PRKCE: variants seen among roughly 807,000 people sequenced by gnomAD.
The protein encoded by PRKCE is protein kinase C epsilon type.
PRKCE carries 16 observed loss-of-function variants against 85.4 expected under a neutral mutation model. The ratio of observed to expected loss-of-function variants is 0.19; its 90% CI spans 0.13 to 0.28. The LOEUF is 0.28. PRKCE is among the 10% of genes least tolerant of loss of function. The pLI is 1.00. For missense variants in PRKCE, 573 were observed against 975.2 expected (o/e 0.59, Z 5.49); for synonymous variants, 388 against 371.5 (o/e 1.04, Z -0.51).
At chr2:46,002,112 A>G (rs1175317228) in intron 7 of PRKCE, among the ~76,000 whole-genome samples, 1 of 152,242 alleles carries the variant, frequency 6.6e-6, no homozygotes, top group African/African-American at 2.4e-5. Context: ...AAATATCAGT[A>G]AGAAGAGATC....
At chr2:45,925,399 C>T (rs1033299577) in intron 2 of PRKCE, among the ~76,000 whole-genome samples, 3 of 152,224 alleles carry the variant, frequency 2.0e-5, no homozygotes, top group East Asian at 3.9e-4. Context: ...CAGATTCAAG[C>T]GATTCTCCTG....
chr2:45,713,062 G>A (rs1344638960), intron 1 of PRKCE, among the ~76,000 whole-genome samples: 1 of 152,184 alleles, frequency 6.6e-6, no homozygotes, highest in South Asian at 2.1e-4. Context: ...TCCCAGTCTG[G>A]TGCTGACTTG....
intron 10 of PRKCE, among the ~76,000 whole-genome samples, chr2:46,058,286 A>G (rs1666786000): frequency 6.6e-6 from 1 of 152,238 alleles, no homozygotes; most frequent in East Asian, 1.9e-4. Flanking sequence ...ATGGCAGGTC[A>G]GGACAAGAGG....
At chr2:45,653,886 T>G (rs532936108) in intron 1 of PRKCE, among the ~76,000 whole-genome samples, 1 of 152,348 alleles carries the variant, frequency 6.6e-6, no homozygotes. Context: ...CAGATGTCCC[T>G]CATCTCTGCT....
At chr2:45,818,379 C>G (rs1346439372) in intron 1 of PRKCE, among the ~76,000 whole-genome samples, 1 of 152,136 alleles carries the variant, frequency 6.6e-6, no homozygotes, top group East Asian at 1.9e-4. Flanking sequence ...TCCTCTGAGC[C>G]ATAAGGATAA....
At chr2:45,870,467 A>G (rs917996850) in intron 2 of PRKCE, among the ~76,000 whole-genome samples, 29 of 152,196 alleles carry the variant, frequency 1.9e-4, no homozygotes, top group African/African-American at 7.0e-4. Flanking sequence ...AACATCAGCT[A>G]TTGATTTGGG....
intron 10 of PRKCE, among the ~76,000 whole-genome samples, chr2:46,043,803 A>G (rs1708356184): frequency 6.6e-6 from 1 of 152,238 alleles, no homozygotes; most frequent in African/African-American, 2.4e-5. Context: ...GAATCATTAT[A>G]ATGTATCAAT....
intron 11 of PRKCE, among the ~76,000 whole-genome samples, chr2:46,126,490 G>T (rs1673869566): frequency 6.6e-6 from 1 of 152,188 alleles, no homozygotes; most frequent in Admixed American, 6.5e-5. Flanking sequence ...AGTGATGGGA[G>T]TTGGCCAGAG....
At chr2:45,793,241 G>T (rs780090719) in intron 1 of PRKCE, among the ~76,000 whole-genome samples, 8 of 152,200 alleles carry the variant, frequency 5.3e-5, no homozygotes, top group Non-Finnish European at 8.8e-5. Flanking sequence ...TTGAATTTGG[G>T]CGAATGGGGA....
chr2:45,663,361 G>A (rs942118968), intron 1 of PRKCE, among the ~76,000 whole-genome samples: 3 of 152,162 alleles, frequency 2.0e-5, no homozygotes, highest in Admixed American at 6.5e-5. Flanking sequence ...GAAGAACTGT[G>A]GGAATTCAAA....
At chr2:45,764,671 A>G (rs924449194) in intron 1 of PRKCE, among the ~76,000 whole-genome samples, 3 of 152,202 alleles carry the variant, frequency 2.0e-5, no homozygotes, top group African/African-American at 7.2e-5. Context: ...AAATTTGAGA[A>G]AAAATTGATC....
At chr2:45,983,301 T>G (rs1703040542) in intron 5 of PRKCE, among the ~76,000 whole-genome samples, 1 of 152,188 alleles carries the variant, frequency 6.6e-6, no homozygotes, top group Non-Finnish European at 1.5e-5. Context: ...CGGGGGCCTG[T>G]TACTTATCAG....
At chr2:45,793,545 T>G (rs1687191130) in intron 1 of PRKCE, among the ~76,000 whole-genome samples, 1 of 152,200 alleles carries the variant, frequency 6.6e-6, no homozygotes, top group Non-Finnish European at 1.5e-5. Flanking sequence ...AATGGTAAAG[T>G]ATGTGTCCAA....
chr2:45,857,982 C>T (rs1296997664), intron 2 of PRKCE, among the ~76,000 whole-genome samples: 1 of 152,202 alleles, frequency 6.6e-6, no homozygotes, highest in Non-Finnish European at 1.5e-5. Flanking sequence ...CATCCTGTGA[C>T]ACGTGACCGC....
rs1376128947 is a variant in PRKCE at position 45,973,367 on chromosome 2, C to G, written c.413-3062C>G. ...TTTCAGCAGCCACAGGCTCCAACCC[C>G]TTTCTCCTGTCACCTGCTTTGTAGC... On this transcript the variant is annotated intron_variant, in intron 2 of 14. Transcript: ENST00000306156. 3.9e-5 allele frequency among the ~76,000 whole-genome samples: 6 copies of G among 152,230 alleles called. No homozygotes were observed. The East Asian group carries it at 9.6e-4, about 24-fold the overall frequency.
At chr2:46,031,628 G>C (rs993775356) in intron 10 of PRKCE, among the ~76,000 whole-genome samples, 1 of 141,540 alleles carries the variant, frequency 7.1e-6, no homozygotes. Flanking sequence ...GTGTGTGTGT[G>C]TGTGTGTAGA....
intron 2 of PRKCE, among the ~76,000 whole-genome samples, chr2:45,865,814 T>A (rs1374071862): frequency 7.9e-6 from 1 of 125,822 alleles, no homozygotes; most frequent in African/African-American, 3.1e-5. Flanking sequence ...TTCTTCTTCT[T>A]CTTTTTTTTT....
At position 45,711,924 on chromosome 2, in the gene PRKCE, C is replaced by G. The variant is rs182349673; in HGVS notation, c.348+59476C>G. On this transcript the variant is annotated intron_variant, in intron 1 of 14. Coordinates refer to ENST00000306156, the MANE Select transcript of PRKCE (RefSeq NM_005400.3). Reference sequence around the variant, plus strand: ...AGGCATGAGCCAACACGCCCGGCCTCCATTATTATTAGTAACTTTATATTA... The same window carrying G: ...AGGCATGAGCCAACACGCCCGGCCTGCATTATTATTAGTAACTTTATATTA... Among the ~76,000 whole-genome samples, 23 of 151,678 alleles carry G rather than the reference C, an allele frequency of 1.5e-4. No individual in the cohort carries two copies. In the East Asian group the frequency reaches 4.5e-3, roughly 30 times the overall value.
intron 1 of PRKCE, among the ~76,000 whole-genome samples, chr2:45,689,240 A>G (rs1482137492): frequency 1.3e-5 from 2 of 152,222 alleles, no homozygotes; most frequent in Non-Finnish European, 2.9e-5. Context: ...AAAGCATGTC[A>G]TATAAGTGAG....
Sources: gnomAD v4.1 joint callset for allele counts (sites outside exome capture counted in the v4.1 genomes callset) on GRCh38, gnomAD v4.1.1 for gene constraint, MANE v1.5 for transcripts, NCBI Gene and HGNC (gene_info 2026-07-23, HGNC 2026-07-21) for gene names.